Variants in ESRP1 observed in about 807,000 individuals in gnomAD.
ESRP1 encodes epithelial splicing regulatory protein 1.
A neutral mutation model predicts 81.7 loss-of-function variants in ESRP1; 33 were observed. The observed-to-expected ratio is 0.40, with a 90% CI of 0.31 to 0.54. ESRP1 has a LOEUF of 0.54. Ranked by LOEUF, ESRP1 falls within the 20% of genes least tolerant of loss-of-function variation. The pLI is 0.41. For missense variants in ESRP1, 672 were observed against 833.1 expected (o/e 0.81, Z 2.38); for synonymous variants, 320 against 303.3 (o/e 1.06, Z -0.57).
chr8:94,642,587 C>T (rs1028590661), intron 2 of ESRP1, among the ~76,000 whole-genome samples: 1 of 152,284 alleles, frequency 6.6e-6, no homozygotes, highest in East Asian at 1.9e-4. Context: ...ACGAAAGGCT[C>T]GGTCCGTCAT....
chr8:94,668,972 T>C (rs1244550308), intron 10 of ESRP1, among the ~76,000 whole-genome samples: 2 of 152,162 alleles, frequency 1.3e-5, no homozygotes, highest in African/African-American at 4.8e-5. Flanking sequence ...TTTGAATTTT[T>C]AATGGAGATG....
chr8:94,655,378 C>T (rs1408608291), intron 4 of ESRP1, among the ~76,000 whole-genome samples: 4 of 147,488 alleles, frequency 2.7e-5, no homozygotes, highest in Non-Finnish European at 4.4e-5. Context: ...TGAGCCACCA[C>T]ACTTGGCATC....
chr8:94,699,823 T>G (rs1453348884), intron 15 of ESRP1, among the ~76,000 whole-genome samples: 1 of 152,142 alleles, frequency 6.6e-6, no homozygotes, highest in Non-Finnish European at 1.5e-5. Context: ...ACAAGCATAA[T>G]AAATACTTCC....
intron 13 of ESRP1, among the ~76,000 whole-genome samples, chr8:94,682,303 A>T (rs1043690853): frequency 6.6e-6 from 1 of 152,194 alleles, no homozygotes; most frequent in African/African-American, 2.4e-5. Flanking sequence ...ACTGAATGAC[A>T]TACATACCTT....
At chr8:94,686,875 A>G (rs577631008) in intron 13 of ESRP1, among the ~76,000 whole-genome samples, 2 of 152,206 alleles carry the variant, frequency 1.3e-5, no homozygotes, top group Non-Finnish European at 2.9e-5. Context: ...GCGTGCAATT[A>G]GAAAATTTCA....
intron 4 of ESRP1, among the ~76,000 whole-genome samples, chr8:94,650,432 G>A (rs762584636): frequency 3.9e-5 from 6 of 152,036 alleles, no homozygotes; most frequent in Non-Finnish European, 7.4e-5. Flanking sequence ...TCATATAGTT[G>A]GAATCATGTA....
chr8:94,706,216 T>C lies in ESRP1; in HGVS notation c.*327T>C, dbSNP rs1395562717. On this transcript the variant is annotated 3_prime_UTR_variant, in exon 16 of 16. Coordinates refer to ENST00000433389, the MANE Select transcript of ESRP1 (RefSeq NM_017697.4). ...ATTACTTCCAGTTAAAGTGGCATCA[T>C]AGGTGTTTCCTAAGTTTTAAGTCTT... The C allele has an allele frequency of 2.3e-6, 1 of 440,818 alleles. No individual in the cohort carries two copies. The allele number at this position is 440,818 out of a possible 1,614,324, so 27.3% of individuals were successfully genotyped here.
chr8:94,665,299 A>G lies in ESRP1; in HGVS notation c.931+103A>G, dbSNP rs576602198. The G allele has an allele frequency of 2.7e-6, 3 of 1,126,990 alleles. No individual in the cohort carries two copies. The East Asian group carries it at 7.6e-5, about 29-fold the overall frequency. The allele number at this position is 1,126,990 out of a possible 1,614,324, so 69.8% of individuals were successfully genotyped here. On this transcript the variant is annotated intron_variant, in intron 9 of 15. Coordinates refer to ENST00000433389, the MANE Select transcript of ESRP1 (RefSeq NM_017697.4). ...GTGAATAGGGTCATGAATGGTTTTT[A>G]TTTTCTAATGGAACATGGGAATAGA...
At chr8:94,701,152 A>G (rs572515234) in intron 15 of ESRP1, among the ~76,000 whole-genome samples, 1 of 150,880 alleles carries the variant, frequency 6.6e-6, no homozygotes, top group Admixed American at 6.6e-5. Flanking sequence ...GTGTGTGCCT[A>G]TAATCCCAGC....
intron 15 of ESRP1, among the ~76,000 whole-genome samples, chr8:94,700,679 C>T (rs1809787250): frequency 6.6e-6 from 1 of 152,098 alleles, no homozygotes. Context: ...CCTGTAATCC[C>T]AGCACTTTGG....
Position 94,674,309 on chromosome 8 carries a change from G to A in ESRP1, c.1454G>A (p.Gly485Asp). 1.9e-6 allele frequency: 3 copies of A among 1,613,340 alleles called. No individual in the cohort carries two copies. The highest frequency in any genetic ancestry group is 2.5e-6 in the Non-Finnish European group (3 of 1,179,730). ...HGVHMVLNHQ[G>D]RPSGDAFIQM... ...TTTATTCTTCCCCCACACACTCAGG[G>A]CCGCCCATCAGGAGATGCCTTTATC... The change falls in exon 12 of 16, where the codon GGC (glycine) becomes GAC (aspartate). Residue 485 changes from glycine to aspartate, a missense_variant and splice_region_variant. By Grantham distance (94) the Gly-to-Asp change is moderately conservative. Transcript: ENST00000433389.
chr8:94,678,499 T>C lies in ESRP1; in HGVS notation c.1820+128T>C, dbSNP rs1808732766. On this transcript the variant is annotated intron_variant, in intron 13 of 15. Coordinates refer to ENST00000433389, the MANE Select transcript of ESRP1 (RefSeq NM_017697.4). ...TAGCGTGGCAGGCCACAGCCTCTGG[T>C]CATATCTCTGACCAAGAAGGTTGTT... The C allele has an allele frequency of 2.8e-6, 3 of 1,088,270 alleles. No homozygotes were observed. The Admixed American group carries it at 8.5e-5, about 31-fold the overall frequency. The allele number at this position is 1,088,270 out of a possible 1,614,324, so 67.4% of individuals were successfully genotyped here.
chr8:94,690,304 T>TTTTG (rs1809346846), intron 13 of ESRP1, among the ~76,000 whole-genome samples: 1 of 71,416 alleles, frequency 1.4e-5, no homozygotes, highest in African/African-American at 4.1e-5. Context: ...TTTTTTTTTT[T>TTTTG]GGATTTTTAG....
Position 94,646,573 on chromosome 8 carries a change from A to G in ESRP1, c.490+291A>G, listed in dbSNP as rs78048725. ...TGTGTGTGTGTGCTGCAGAAAGAACATGAAGACTTTAGTGCAGATTCTAAG... is the reference window on the plus strand; with the variant it reads ...TGTGTGTGTGTGCTGCAGAAAGAACGTGAAGACTTTAGTGCAGATTCTAAG... On this transcript the variant is annotated intron_variant, in intron 4 of 15. Coordinates refer to ENST00000433389, the MANE Select transcript of ESRP1 (RefSeq NM_017697.4). 1,761 of 198,594 alleles carry G rather than the reference A, an allele frequency of 8.9e-3. 27 individuals carry two copies. The highest frequency in any genetic ancestry group is 0.038 in the African/African-American group (1,643 of 43,226). 12.3% of individuals were successfully genotyped at this position (198,594 alleles called of 1,614,324 possible). A position where few individuals can be genotyped will look rare whatever the true frequency, so the allele number is the denominator to read the frequency against.
intron 15 of ESRP1, among the ~76,000 whole-genome samples, chr8:94,698,356 C>T: frequency 6.6e-6 from 1 of 152,124 alleles, no homozygotes; most frequent in East Asian, 1.9e-4. Flanking sequence ...ACTGATTTGT[C>T]CTTCGGTAAC....
chr8:94,646,352 T>A, intron 4 of ESRP1, 70 bp downstream of exon 4: 3 of 1,068,936 alleles, frequency 2.8e-6, no homozygotes, highest in Non-Finnish European at 4.0e-6. Flanking sequence ...CAAGAAACTT[T>A]CAAACATTTT....
intron 15 of ESRP1, among the ~76,000 whole-genome samples, chr8:94,701,055 C>T (rs982839867): frequency 2.0e-5 from 3 of 151,258 alleles, no homozygotes; most frequent in African/African-American, 7.3e-5. Context: ...GGTGGATCAT[C>T]TGAGGTCAGG....
rs1380225194 is a variant in ESRP1, at chr8:94,643,339, G to T, written c.298G>T (p.Val100Leu). The T allele has an allele frequency of 6.2e-7, 1 of 1,613,508 alleles. No homozygotes were observed. Among genetic ancestry groups the T allele is most frequent in the East Asian group, 2.2e-5 (1 of 44,898 alleles). The change falls in exon 3 of 16, where the codon GTA (valine) becomes TTA (leucine). Residue 100 changes from valine to leucine, a missense_variant. Physicochemically the swap from Val to Leu is conservative, Grantham distance 32. Coordinates refer to ENST00000433389, the MANE Select transcript of ESRP1 (RefSeq NM_017697.4). ...AGTGAGCAATGAACTGAATATTGGA[G>T]TAGGGACTTCCTTCTGTCTCTGTAC... is the stretch of plus-strand genomic sequence containing the variant. ...QSVSNELNIG[V>L]GTSFCLCTDG...
chr8:94,701,721 C>T (rs746949056), intron 15 of ESRP1, among the ~76,000 whole-genome samples: 1 of 152,014 alleles, frequency 6.6e-6, no homozygotes, highest in Non-Finnish European at 1.5e-5. Flanking sequence ...GCTGGGATAC[C>T]GGCATGAGCC....
Sources: gnomAD v4.1 joint callset for allele counts (sites outside exome capture counted in the v4.1 genomes callset) on GRCh38, gnomAD v4.1.1 for gene constraint, MANE v1.5 for transcripts, NCBI Gene and HGNC (gene_info 2026-07-23, HGNC 2026-07-21) for gene names.